The following KHDRBS2 variants were observed in gnomAD, a reference collection of about 807,000 sequenced individuals.
The protein encoded by KHDRBS2 is KH domain-containing, RNA-binding, signal transduction-associated protein 2.
In KHDRBS2, 26 loss-of-function variants were observed where a neutral mutation model predicts 44.3. The observed-to-expected ratio is 0.59, with a 90% CI of 0.43 to 0.81. KHDRBS2 has a LOEUF of 0.81. Ranked by LOEUF, KHDRBS2 falls within the 40% of genes least tolerant of loss-of-function variation. The pLI is 0.00. For missense variants in KHDRBS2, 476 were observed against 433.1 expected, an observed-to-expected ratio of 1.10 and a Z score of -0.88; for synonymous variants, 194 against 151.1, an observed-to-expected ratio of 1.28 and a Z score of -2.08.
chr6:62,206,463 T>A (rs1191292992), intron 1 of KHDRBS2, among the ~76,000 whole-genome samples: 2 of 152,234 alleles, frequency 1.3e-5, no homozygotes, highest in East Asian at 3.9e-4. Context: ...TAGAAAATTC[T>A]AAACACTAAT....
chr6:61,920,619 A>G (rs1445499450), intron 4 of KHDRBS2, among the ~76,000 whole-genome samples: 1 of 151,998 alleles, frequency 6.6e-6, no homozygotes, highest in Non-Finnish European at 1.5e-5. Flanking sequence ...AATGTAAAAA[A>G]TGTTTTTTGG....
At chr6:61,568,651 C>T in the KHDRBS2 span, among the ~76,000 whole-genome samples, 2 of 152,146 alleles carry the variant, frequency 1.3e-5, no homozygotes, top group Non-Finnish European at 2.9e-5. Context: ...TCTGAAAATC[C>T]ACATCACAGG....
At chr6:62,016,063 A>G (rs1781147166) in intron 3 of KHDRBS2, among the ~76,000 whole-genome samples, 1 of 152,156 alleles carries the variant, frequency 6.6e-6, no homozygotes, top group South Asian at 2.1e-4. Context: ...AGAAAAAAAG[A>G]ACACAAATTA....
intron 6 of KHDRBS2, among the ~76,000 whole-genome samples, chr6:61,838,131 CA>C (rs1464512876): frequency 2.0e-5 from 3 of 151,966 alleles, no homozygotes; most frequent in Non-Finnish European, 4.4e-5. Context: ...AAGGATTAAT[CA>C]AAGATTATCT....
chr6:62,238,814 C>T (rs1162046563), intron 1 of KHDRBS2, among the ~76,000 whole-genome samples: 1 of 151,560 alleles, frequency 6.6e-6, no homozygotes, highest in Non-Finnish European at 1.5e-5. Flanking sequence ...ATATCTGTAC[C>T]ATCTTAATCA....
chr6:62,054,054 T>C (rs1337375155), intron 2 of KHDRBS2, among the ~76,000 whole-genome samples: 3 of 152,062 alleles, frequency 2.0e-5, no homozygotes, highest in Admixed American at 2.0e-4. Flanking sequence ...GAGAGATATA[T>C]TGTGTTCATA....
chr6:61,963,805 G>T (rs1205261803), intron 4 of KHDRBS2, among the ~76,000 whole-genome samples: 3 of 152,022 alleles, frequency 2.0e-5, no homozygotes, highest in Non-Finnish European at 2.9e-5. Context: ...ATAAATCCAA[G>T]TGAAAGGTTT....
At chr6:61,806,601 T>C (rs1039997907) in intron 6 of KHDRBS2, among the ~76,000 whole-genome samples, 1 of 150,700 alleles carries the variant, frequency 6.6e-6, no homozygotes, top group Non-Finnish European at 1.5e-5. Flanking sequence ...TAAAAATGTG[T>C]TTTAATTATG....
intron 2 of KHDRBS2, among the ~76,000 whole-genome samples, chr6:62,063,099 T>C (rs1584450937): frequency 7.7e-6 from 1 of 130,594 alleles, no homozygotes; most frequent in African/African-American, 2.8e-5. Context: ...AATCTCTGAA[T>C]AGACCAATAA....
chr6:61,718,285 T>C (rs1414855876), intron 7 of KHDRBS2, among the ~76,000 whole-genome samples: 4 of 152,210 alleles, frequency 2.6e-5, no homozygotes, highest in Non-Finnish European at 5.9e-5. Context: ...TTCCACCAAA[T>C]GTAGATATGT....
chr6:62,103,704 C>G (rs1802455352), intron 2 of KHDRBS2, among the ~76,000 whole-genome samples: 1 of 152,176 alleles, frequency 6.6e-6, no homozygotes, highest in African/African-American at 2.4e-5. Context: ...AGAGTACAAG[C>G]CCCAGCCATG....
intron 4 of KHDRBS2, among the ~76,000 whole-genome samples, chr6:61,954,811 C>A (rs201986179): frequency 1.4e-4 from 7 of 50,530 alleles, no homozygotes; most frequent in African/African-American, 5.2e-4. Context: ...TGTATACATA[C>A]GCATGTGTAT....
chr6:62,102,403 G>A (rs1379053873), intron 2 of KHDRBS2, among the ~76,000 whole-genome samples: 8 of 152,092 alleles, frequency 5.3e-5, no homozygotes, highest in Non-Finnish European at 8.8e-5. Context: ...CAATTCAATG[G>A]CACCCAAAAC....
chr6:61,866,040 G>C (rs1797743343), intron 6 of KHDRBS2, among the ~76,000 whole-genome samples: 1 of 152,182 alleles, frequency 6.6e-6, no homozygotes, highest in African/African-American at 2.4e-5. Context: ...GCTATTGGTG[G>C]ATCTACTATT....
intron 1 of KHDRBS2, among the ~76,000 whole-genome samples, chr6:62,226,455 T>C (rs1315623258): frequency 6.6e-6 from 1 of 152,210 alleles, no homozygotes; most frequent in Non-Finnish European, 1.5e-5. Flanking sequence ...GATGGGTAGA[T>C]TGCAAAATTT....
the KHDRBS2 span, among the ~76,000 whole-genome samples, chr6:61,667,887 A>G: frequency 6.6e-6 from 1 of 151,238 alleles, no homozygotes; most frequent in African/African-American, 2.4e-5. Context: ...TTTGAATATT[A>G]CTTAAAATAT....
At chr6:62,086,363 T>C (rs1043519005) in intron 2 of KHDRBS2, among the ~76,000 whole-genome samples, 3 of 152,124 alleles carry the variant, frequency 2.0e-5, no homozygotes, top group African/African-American at 7.2e-5. Context: ...ACTTGAAGCT[T>C]TGATAGCTAT....
At chr6:61,876,419 C>G (rs980758349) in intron 6 of KHDRBS2, among the ~76,000 whole-genome samples, 1 of 151,950 alleles carries the variant, frequency 6.6e-6, no homozygotes, top group African/African-American at 2.4e-5. Context: ...ACACCTAGCA[C>G]TACCAGTGAG....
intron 3 of KHDRBS2, among the ~76,000 whole-genome samples, chr6:62,039,879 T>C (rs1786093046): frequency 6.6e-6 from 1 of 152,098 alleles, no homozygotes; most frequent in Admixed American, 6.6e-5. Context: ...TTTGTCAAGT[T>C]GTAGTAAAAT....
Sources: gnomAD v4.1 joint callset for allele counts (sites outside exome capture counted in the v4.1 genomes callset) on GRCh38, gnomAD v4.1.1 for gene constraint, MANE v1.5 for transcripts, NCBI Gene and HGNC (gene_info 2026-07-23, HGNC 2026-07-21) for gene names.